CGN: variants seen among roughly 807,000 people sequenced by gnomAD.
The protein encoded by CGN is cingulin.
In CGN, 121 loss-of-function variants were observed where a neutral mutation model predicts 157.1. That is an observed-to-expected ratio of 0.77 (90% CI 0.66 to 0.90). CGN has a LOEUF of 0.90. Among genes scored for constraint, CGN ranks in the 40% least tolerant of loss-of-function variants. The pLI is 0.00. For synonymous variants in CGN, 535 were observed against 607.5 expected, an observed-to-expected ratio of 0.88 and a Z score of 1.76; for missense variants, 1,424 against 1,520.9, an observed-to-expected ratio of 0.94 and a Z score of 1.06.
chr1:151,526,619 A>C (rs942763289), intron 9 of CGN, among the ~76,000 whole-genome samples: 1 of 151,670 alleles, frequency 6.6e-6, no homozygotes, highest in Non-Finnish European at 1.5e-5. Flanking sequence ...GACTATAGGC[A>C]TGCACCACCA....
In CGN at chr1:151,526,675, T is replaced by G. The variant is rs376210867; in HGVS notation, c.1764-300T>G. ...TTTTTGTAGAGACGGGGTTTCATTA[T>G]GTTGCCCAGGCTGGTCTTGAACTCC... On this transcript the variant is annotated intron_variant, in intron 9 of 20. Transcript: ENST00000271636. 1.6e-4 allele frequency among the ~76,000 whole-genome samples: 24 copies of G among 152,284 alleles called. No individual in the cohort carries two copies. The East Asian group carries it at 4.1e-3, about 26-fold the overall frequency.
Position 151,536,671 on chromosome 1 carries a change from G to A in CGN, c.3307-59G>A, listed in dbSNP as rs2102505238. ...ACCTTGTCAAGATTGTTATGGGGGA[G>A]GGTCCCAGGCCATGGTAGTAGATGC... On this transcript the variant is annotated intron_variant, in intron 19 of 20. Coordinates refer to ENST00000271636, the MANE Select transcript of CGN (RefSeq NM_020770.3). The A allele has an allele frequency of 1.9e-6, 3 of 1,549,410 alleles. No homozygotes were observed. The Admixed American group carries it at 5.3e-5, about 27-fold the overall frequency.
In CGN at chr1:151,520,583, A is replaced by AT. The variant is rs1664522746; in HGVS notation, c.1045-12dup. On this transcript the variant is annotated splice_polypyrimidine_tract_variant and intron_variant, in intron 4 of 20. Coordinates refer to ENST00000271636, the MANE Select transcript of CGN (RefSeq NM_020770.3). ...CTCACTCCCTTCCCCCACACCCCCC[A>AT]TATCTCTGGCAGATGGTTTCTTCTG... 1.9e-6 allele frequency: 3 copies of AT among 1,613,892 alleles called. No individual in the cohort carries two copies. The highest frequency in any genetic ancestry group is 3.3e-5 in the Admixed American group (2 of 59,982).
At chr1:151,530,839 T>A in intron 13 of CGN, 93 bp downstream of exon 13, 1 of 1,351,874 alleles carries the variant, frequency 7.4e-7, no homozygotes, top group Non-Finnish European at 1.0e-6. Flanking sequence ...GAGGGGTTAG[T>A]CAGAATGTGT....
chr1:151,510,603 G>C (rs2102482332), upstream of CGN: 1 of 152,102 alleles, frequency 6.6e-6, no homozygotes, highest in African/African-American at 2.4e-5. Context: ...TTCCTATTTT[G>C]GTAAATTTGC....
intron 3 of CGN, 72 bp from the exon 4 acceptor site, chr1:151,520,342 G>T (rs182890079): frequency 6.4e-7 from 1 of 1,567,784 alleles, no homozygotes; most frequent in African/African-American, 1.4e-5. Flanking sequence ...CATCTTCCCT[G>T]ATTTTACCCT....
chr1:151,525,620 G>T, intron 8 of CGN, 22 bp from the exon 9 acceptor site: 1 of 1,544,952 alleles, frequency 6.5e-7, no homozygotes, highest in East Asian at 2.4e-5. Flanking sequence ...GCCTTCTGGT[G>T]TCCAACTCTC....
rs200917443 is a variant in CGN, at chr1:151,527,123, G to A, written c.1896+16G>A. ...GCTCAAGAAGGTATTTGGGAATTGG[G>A]GGGCAGAATGGTAGGTAGGGGTGAT... On this transcript the variant is annotated intron_variant, in intron 10 of 20. Transcript: ENST00000271636. 8.1e-6 allele frequency: 13 copies of A among 1,613,758 alleles called. No individual in the cohort carries two copies. Among genetic ancestry groups the A allele is most frequent in the South Asian group, 1.1e-5 (1 of 91,066 alleles).
At chr1:151,530,437 T>C in intron 12 of CGN, 52 bp from the exon 13 acceptor site, 1 of 1,506,866 alleles carries the variant, frequency 6.6e-7, no homozygotes. Context: ...CCAAATGACT[T>C]GAACCCAAGT....
chr1:151,511,440 GAGCCC>G lies in CGN; in HGVS notation c.-89_-85del, dbSNP rs1321160160. On this transcript the variant is annotated 5_prime_UTR_variant, in exon 1 of 21. Transcript: ENST00000271636. The surrounding 1 kb of genome is among the most constrained non-coding windows in gnomAD (Gnocchi z 4.8). ...CGGAGCTGCGCGTGCTGCTTTGCCCGAGCCCGAGCCCGAGCCCGAGCCCGAGCCCG... is the reference window on the plus strand; with the variant it reads ...CGGAGCTGCGCGTGCTGCTTTGCCCGGAGCCCGAGCCCGAGCCCGAGCCCG... 5.9e-6 allele frequency: 1 copy of G among 168,290 alleles called. No homozygotes were observed. The highest frequency in any genetic ancestry group is 1.8e-4 in the East Asian group (1 of 5,522). 10.4% of individuals were successfully genotyped at this position (168,290 alleles called of 1,614,324 possible).
chr1:151,515,975 C>T (rs1373207300), intron 1 of CGN, among the ~76,000 whole-genome samples: 1 of 152,198 alleles, frequency 6.6e-6, no homozygotes, highest in Admixed American at 6.5e-5. Context: ...GAGTGTATTG[C>T]TTTCATCATT....
chr1:151,525,485 C>A, intron 8 of CGN, 157 bp from the exon 9 acceptor site: 1 of 471,386 alleles, frequency 2.1e-6, no homozygotes, highest in Non-Finnish European at 3.7e-6. Flanking sequence ...AGGAGAGAAT[C>A]TCTGCTAGCA....
rs150561407 is a variant in CGN, at chr1:151,527,126, G to T, written c.1896+19G>T. ...CAAGAAGGTATTTGGGAATTGGGGG[G>T]CAGAATGGTAGGTAGGGGTGATGAA... On this transcript the variant is annotated intron_variant, in intron 10 of 20. Transcript: ENST00000271636. 1.2e-6 allele frequency: 2 copies of T among 1,613,800 alleles called. No homozygotes were observed. The highest frequency in any genetic ancestry group is 1.7e-5 in the Admixed American group (1 of 60,012).
chr1:151,514,877 T>C (rs1395724459), intron 1 of CGN, among the ~76,000 whole-genome samples: 1 of 152,204 alleles, frequency 6.6e-6, no homozygotes, highest in East Asian at 1.9e-4. Flanking sequence ...AAGTGCCTGT[T>C]GGACAAAGTA....
intron 13 of CGN, among the ~76,000 whole-genome samples, chr1:151,532,004 G>A (rs1385302668): frequency 2.6e-5 from 4 of 152,022 alleles, no homozygotes; most frequent in East Asian, 1.9e-4. Flanking sequence ...TTAGTGGTAC[G>A]CCGTATAATC....
In CGN at chr1:151,537,386, T is replaced by C; in HGVS notation, c.*40T>C. 1 of 1,593,676 alleles carries C rather than the reference T, an allele frequency of 6.3e-7. No homozygotes were observed. The highest frequency in any genetic ancestry group is 8.6e-7 in the Non-Finnish European group (1 of 1,167,430). On this transcript the variant is annotated 3_prime_UTR_variant, in exon 21 of 21. Transcript: ENST00000271636. ...GGACTCAGAAACCAGGCTCGAGGCC[T>C]ATCCCAGCAAGTGCTGCTCTGCTCT...
At chr1:151,518,412 C>A in intron 1 of CGN, 94 bp from the exon 2 acceptor site, 1 of 1,045,062 alleles carries the variant, frequency 9.6e-7, no homozygotes, top group Non-Finnish European at 1.4e-6. Flanking sequence ...AGTGGTTTAT[C>A]TAGTAGGAAC....
At position 151,520,731 on chromosome 1, in the gene CGN, C is replaced by G. The variant is rs371143703; in HGVS notation, c.1140+40C>G. The G allele has an allele frequency of 2.6e-6, 4 of 1,555,010 alleles. No individual in the cohort carries two copies. The African/African-American group carries it at 4.1e-5, about 16-fold the overall frequency. On this transcript the variant is annotated intron_variant, in intron 5 of 20. Coordinates refer to ENST00000271636, the MANE Select transcript of CGN (RefSeq NM_020770.3). ...GAGGTGCCGGAGGCATGAAGGAAAACAGGGAAAAAGCCTTGGCCTGGAGAT... is the reference window on the plus strand; with the variant it reads ...GAGGTGCCGGAGGCATGAAGGAAAAGAGGGAAAAAGCCTTGGCCTGGAGAT...
In CGN at chr1:151,529,423, A is replaced by G. The variant is rs1400754389; in HGVS notation, c.1970A>G (p.His657Arg). 1 of 1,613,812 alleles carries G rather than the reference A, an allele frequency of 6.2e-7. No individual in the cohort carries two copies. Among genetic ancestry groups the G allele is most frequent in the East Asian group, 2.2e-5 (1 of 44,866 alleles). Residue 657 changes from histidine (H) to arginine (R), a missense_variant, in exon 11 of 21, where the codon CAC becomes CGC. By Grantham distance (29) the His-to-Arg change is conservative. Transcript: ENST00000271636. ...ERQSQEVAGR[H>R]RDRELEKQLA... ...CAGAGCCAGGAGGTGGCTGGGCGAC[A>G]CCGGGACCGGGAGTTGGAGAAGCAG... is the stretch of plus-strand genomic sequence containing the variant.
Sources: allele counts gnomAD v4.1 joint callset (sites outside exome capture counted in the v4.1 genomes callset), GRCh38; gene constraint gnomAD v4.1.1; non-coding constraint Gnocchi (gnomAD v3.1); transcripts MANE v1.5; gene names NCBI Gene and HGNC (gene_info 2026-07-23, HGNC 2026-07-21).